BIRC6: variants seen among roughly 807,000 people sequenced by gnomAD.
BIRC6 encodes the protein baculoviral IAP repeat containing 6, also known as dual E2 ubiquitin-conjugating enzyme/E3 ubiquitin-protein ligase BIRC6.
In BIRC6, 98 loss-of-function variants were observed where a neutral mutation model predicts 503.3. The observed-to-expected ratio is 0.19, with a 90% confidence interval of 0.17 to 0.23. The LOEUF is 0.23. Ranked by LOEUF, BIRC6 falls within the 10% of genes least tolerant of loss-of-function variation. The pLI is 1.00. For missense variants in BIRC6, 5,360 were observed against 5,806.0 expected, an observed-to-expected ratio of 0.92 and a Z score of 2.50; for synonymous variants, 2,240 against 2,078.7, an observed-to-expected ratio of 1.08 and a Z score of -2.11.
intron 60 of BIRC6, among the ~76,000 whole-genome samples, chr2:32,530,564 A>C (rs973264837): frequency 1.3e-5 from 2 of 151,992 alleles, no homozygotes; most frequent in East Asian, 1.9e-4. Flanking sequence ...CTATTTTTTC[A>C]TAAAAATGTA....
intron 70 of BIRC6, among the ~76,000 whole-genome samples, chr2:32,601,778 C>A (rs1009755760): frequency 6.6e-6 from 1 of 152,144 alleles, no homozygotes; most frequent in Non-Finnish European, 1.5e-5. Flanking sequence ...CAGTTCTCTT[C>A]CTGCTAAGTG....
chr2:32,572,387 C>T (rs945288797), intron 65 of BIRC6, among the ~76,000 whole-genome samples: 1 of 152,170 alleles, frequency 6.6e-6, no homozygotes, highest in Non-Finnish European at 1.5e-5. Flanking sequence ...ACTGGTAGAT[C>T]ATTTCCAGCT....
At chr2:32,480,301 C>G (rs943390111) in intron 37 of BIRC6, among the ~76,000 whole-genome samples, 6 of 152,264 alleles carry the variant, frequency 3.9e-5, no homozygotes, top group African/African-American at 1.4e-4. Flanking sequence ...TCTGTACTTC[C>G]CTTGCGCTCT....
chr2:32,367,686 T>C lies in BIRC6; in HGVS notation c.326-9902T>C, dbSNP rs145073033. Among the ~76,000 whole-genome samples, 372 of 150,706 alleles carry C rather than the reference T, an allele frequency of 2.5e-3. 1 individual carries two copies. Among genetic ancestry groups the C allele is most frequent in the African/African-American group, 8.8e-3 (360 of 41,022 alleles). On this transcript the variant is annotated intron_variant, in intron 1 of 73. Transcript: ENST00000421745. Reference sequence around the variant, plus strand: ...CAAAAATTAGCTGGGTGTGGTGGTGTACACTTGTAATTCCAGCTACTCGGG... The same window carrying C: ...CAAAAATTAGCTGGGTGTGGTGGTGCACACTTGTAATTCCAGCTACTCGGG...
At chr2:32,421,808 C>T (rs2042979768) in intron 10 of BIRC6, among the ~76,000 whole-genome samples, 1 of 152,186 alleles carries the variant, frequency 6.6e-6, no homozygotes, top group Non-Finnish European at 1.5e-5. Context: ...TTGTGTTGGG[C>T]ACCCATGGGG....
intron 45 of BIRC6, among the ~76,000 whole-genome samples, chr2:32,494,831 C>T (rs900479623): frequency 1.3e-5 from 2 of 152,112 alleles, no homozygotes; most frequent in African/African-American, 4.8e-5. Context: ...ATTGATTGAA[C>T]CAGTGAGCCC....
intron 16 of BIRC6, 124 bp downstream of exon 16, chr2:32,439,810 T>C (rs2045201279): frequency 2.4e-6 from 2 of 837,898 alleles, no homozygotes; most frequent in Admixed American, 6.9e-5. Context: ...TTTGTTTGTA[T>C]TTTGTCTTTG....
chr2:32,538,774 A>T (rs2057435625), intron 61 of BIRC6, among the ~76,000 whole-genome samples: 1 of 152,166 alleles, frequency 6.6e-6, no homozygotes, highest in Non-Finnish European at 1.5e-5. Flanking sequence ...CTACTAAAAA[A>T]TATGATAATT....
intron 71 of BIRC6, among the ~76,000 whole-genome samples, chr2:32,604,237 C>T (rs2062275114): frequency 6.6e-6 from 1 of 152,140 alleles, no homozygotes; most frequent in Non-Finnish European, 1.5e-5. Flanking sequence ...ATCCCTATGA[C>T]TTCAAATATT....
At position 32,453,884 on chromosome 2, in the gene BIRC6, T is replaced by G; in HGVS notation, c.4695T>G (p.Pro1565=). 6.2e-7 allele frequency: 1 copy of G among 1,613,576 alleles called. No homozygotes were observed. Residue 1565 remains proline, a synonymous_variant, in exon 23 of 74, where the codon CCT becomes CCG. Coordinates refer to ENST00000421745, the MANE Select transcript of BIRC6 (RefSeq NM_016252.4). The part of the protein sequence containing the change: ...TSLTGLLEVE[P]LHFTCVSTSD... ...TCACTGGACTTTTGGAAGTTGAACC[T>G]CTGCACTTTACTTGTGTGTCAACTA...
chr2:32,521,387 A>AAAAAAAAAAAAAAAAAAAAAAAAC (rs2055664654), intron 57 of BIRC6, among the ~76,000 whole-genome samples: 1 of 148,102 alleles, frequency 6.8e-6, no homozygotes, highest in African/African-American at 2.5e-5. Flanking sequence ...AAAAAAAAAA[A>AAAAAAAAAAAAAAAAAAAAAAAAC]AAAAAAGCAA....
chr2:32,587,260 G>A (rs1447659553), intron 66 of BIRC6, among the ~76,000 whole-genome samples: 1 of 152,124 alleles, frequency 6.6e-6, no homozygotes, highest in East Asian at 1.9e-4. Flanking sequence ...GATGGTGCGC[G>A]CCTGTAGTCC....
chr2:32,389,115 A>C lies in BIRC6; in HGVS notation c.839+172A>C, dbSNP rs903513088. ...ATTAGAATCTGAAAACCAGATTTAA[A>C]GTAAACTGCTACTTGAATTGCTATT... On this transcript the variant is annotated intron_variant, in intron 4 of 73. Coordinates refer to ENST00000421745, the MANE Select transcript of BIRC6 (RefSeq NM_016252.4). Among the ~76,000 whole-genome samples the C allele has an allele frequency of 2.0e-5, 3 of 152,368 alleles. No individual in the cohort carries two copies. The South Asian group carries it at 6.2e-4, about 32-fold the overall frequency.
At chr2:32,523,877 A>G (rs767337383) in intron 57 of BIRC6, among the ~76,000 whole-genome samples, 1 of 152,134 alleles carries the variant, frequency 6.6e-6, no homozygotes, top group Non-Finnish European at 1.5e-5. Context: ...AACATGGCGA[A>G]ACCTCGTCTC....
intron 56 of BIRC6, 131 bp downstream of exon 56, chr2:32,518,528 A>G (rs2055309362): frequency 1.0e-6 from 1 of 972,730 alleles, no homozygotes; most frequent in Middle Eastern, 3.2e-4. Context: ...TTTATACCTA[A>G]TGACAGAACT....
At chr2:32,504,760 G>A (rs1572675391) in intron 49 of BIRC6, among the ~76,000 whole-genome samples, 2 of 152,058 alleles carry the variant, frequency 1.3e-5, no homozygotes, top group East Asian at 1.9e-4. Flanking sequence ...TTTAGTTTTC[G>A]TGTATCATAT....
intron 26 of BIRC6, 71 bp downstream of exon 26, chr2:32,465,235 T>C: frequency 1.5e-6 from 1 of 645,622 alleles, no homozygotes; most frequent in Non-Finnish European, 2.4e-6. Context: ...AAAGACTCAT[T>C]ATTCTTCAGT....
chr2:32,616,533 C>G (rs182252754), intron 73 of BIRC6, among the ~76,000 whole-genome samples: 16 of 140,160 alleles, frequency 1.1e-4, no homozygotes, highest in African/African-American at 4.4e-4. Flanking sequence ...GCACTCTAGC[C>G]TGGGTGACAC....
chr2:32,462,448 A>G (rs967398832), intron 23 of BIRC6, among the ~76,000 whole-genome samples: 6 of 152,196 alleles, frequency 3.9e-5, no homozygotes, highest in African/African-American at 1.4e-4. Flanking sequence ...ATTACTGATA[A>G]TGTTCATGGG....
Sources: allele counts gnomAD v4.1 joint callset (sites outside exome capture counted in the v4.1 genomes callset), GRCh38; gene constraint gnomAD v4.1.1; transcripts MANE v1.5; gene names NCBI Gene and HGNC (gene_info 2026-07-23, HGNC 2026-07-21).